Variants in C1orf174 observed in about 807,000 individuals in gnomAD.
C1orf174 encodes chromosome 1 open reading frame 174.
Under a neutral mutation model 18.4 loss-of-function variants are expected in C1orf174, and 13 were observed. The ratio of observed to expected loss-of-function variants is 0.71; its 90% confidence interval spans 0.46 to 1.12. The LOEUF is 1.12. C1orf174 is among the 50% of genes most tolerant of loss of function. C1orf174 has a pLI of 0.00. For missense variants in C1orf174, 309 were observed against 308.0 expected, an observed-to-expected ratio of 1.00 and a Z score of -0.02; for synonymous variants, 100 against 118.3, an observed-to-expected ratio of 0.85 and a Z score of 1.01.
intron 1 of C1orf174, among the ~76,000 whole-genome samples, chr1:3,898,400 T>C (rs1638645323): frequency 6.6e-6 from 1 of 152,070 alleles, no homozygotes; most frequent in Admixed American, 6.6e-5. Flanking sequence ...ATCCCAGCCA[T>C]TCCAGAGGCT....
At chr1:3,893,600 A>T (rs1638552016) in intron 1 of C1orf174, among the ~76,000 whole-genome samples, 1 of 152,240 alleles carries the variant, frequency 6.6e-6, no homozygotes, top group African/African-American at 2.4e-5. Context: ...AAGTTGCAAA[A>T]AATAGTACAA....
chr1:3,892,807 T>C, intron 2 of C1orf174, 76 bp downstream of exon 2: 1 of 1,555,590 alleles, frequency 6.4e-7, no homozygotes, highest in Non-Finnish European at 8.7e-7. Context: ...AAGCAACACA[T>C]CTTGGAGTGG....
chr1:3,892,925 G>A lies in C1orf174; in HGVS notation c.87C>T (p.Ala29=). The change falls in exon 2 of 4, where the codon GCC becomes GCT. Residue 29 remains alanine (A), a synonymous_variant. Coordinates refer to ENST00000361605, the MANE Select transcript of C1orf174 (RefSeq NM_207356.3). ...CAGACGTGGAACCAGCAACTTCCTG[G>A]GCAGAGGCCAACCTGGCTGCCGAAC... ...RSCSAARLAS[A]QEVAGSTSAK... 1 of 1,614,154 alleles carries A rather than the reference G, an allele frequency of 6.2e-7. No homozygotes were observed.
intron 1 of C1orf174, among the ~76,000 whole-genome samples, chr1:3,894,031 T>C (rs1638559801): frequency 3.3e-5 from 5 of 152,246 alleles, no homozygotes. Context: ...CACTAAACTA[T>C]AGATTTTATT....
chr1:3,895,655 T>A (rs1638593335), intron 1 of C1orf174: 2 of 152,232 alleles, frequency 1.3e-5, no homozygotes, highest in Admixed American at 6.5e-5. Flanking sequence ...TTAGCTTCAG[T>A]TTCGTCATGG....
In C1orf174 at chr1:3,900,270, C is replaced by G. The variant is rs1638690255; in HGVS notation, c.-84G>C. 38 of 1,437,914 alleles carry G rather than the reference C, an allele frequency of 2.6e-5. No homozygotes were observed. Among genetic ancestry groups the G allele is most frequent in the Non-Finnish European group, 3.3e-5 (37 of 1,104,916 alleles). 89.1% of individuals were successfully genotyped at this position (1,437,914 alleles called of 1,614,324 possible). A position where few individuals can be genotyped will look rare whatever the true frequency, so the allele number is the denominator to read the frequency against. On this transcript the variant is annotated 5_prime_UTR_variant, in exon 1 of 4. Transcript: ENST00000361605. ...GCGACCCGGAGTCTGCAGAGCGCGC[C>G]GCGGCGGCGTCCGACGTCAGCACAG... is the stretch of plus-strand genomic sequence containing the variant.
chr1:3,896,941 C>G (rs1267249497), intron 1 of C1orf174, among the ~76,000 whole-genome samples: 2 of 152,192 alleles, frequency 1.3e-5, no homozygotes, highest in Admixed American at 6.5e-5. Context: ...TGCCACCCCC[C>G]ACCAGCAACA....
At chr1:3,894,426 T>C (rs958113274) in intron 1 of C1orf174, among the ~76,000 whole-genome samples, 6 of 151,384 alleles carry the variant, frequency 4.0e-5, no homozygotes, top group Admixed American at 3.9e-4. Flanking sequence ...GCTAACACAG[T>C]GAAACCCCGT....
chr1:3,891,875 C>A, intron 2 of C1orf174: 4 of 927,704 alleles, frequency 4.3e-6, no homozygotes, highest in Non-Finnish European at 5.1e-6. Context: ...GGTCTAGACA[C>A]ACACACGGGT....
rs7552675 is a variant in C1orf174 at position 3,896,707 on chromosome 1, A to C, written c.15+3465T>G. Among the ~76,000 whole-genome samples, 1,418 of 152,354 alleles carry C rather than the reference A, an allele frequency of 9.3e-3. 23 individuals carry two copies. Among genetic ancestry groups the C allele is most frequent in the African/African-American group, 0.032 (1,338 of 41,576 alleles). On this transcript the variant is annotated intron_variant, in intron 1 of 3. Transcript: ENST00000361605. ...AGAACCAGAGACTAACACGGCTGGGAGGAGGCCTCTTGGACACAGAACAAA... is the reference window on the plus strand; with the variant it reads ...AGAACCAGAGACTAACACGGCTGGGCGGAGGCCTCTTGGACACAGAACAAA...
At chr1:3,895,323 A>C (rs569970797) in intron 1 of C1orf174, 1 of 152,356 alleles carries the variant, frequency 6.6e-6, no homozygotes, top group East Asian at 1.9e-4. Context: ...CAACTGCCTG[A>C]GGTGGGGATT....
At chr1:3,892,663 C>G (rs113598275) in intron 2 of C1orf174, 24 of 1,378,586 alleles carry the variant, frequency 1.7e-5, no homozygotes, top group Non-Finnish European at 2.2e-5. Flanking sequence ...GACACACACA[C>G]GGGTGGGCGG....
At chr1:3,900,076 C>T in intron 1 of C1orf174, 96 bp downstream of exon 1, 1 of 1,445,592 alleles carries the variant, frequency 6.9e-7, no homozygotes, top group Non-Finnish European at 9.1e-7. Flanking sequence ...TCCTAGGCCA[C>T]AGGCACCCCG....
intron 1 of C1orf174, among the ~76,000 whole-genome samples, chr1:3,893,425 TA>T (rs1638549960): frequency 6.6e-6 from 1 of 152,230 alleles, no homozygotes; most frequent in Non-Finnish European, 1.5e-5. Flanking sequence ...CCTATTCTAT[TA>T]GCTGAATGCA....
At position 3,900,166 on chromosome 1, in the gene C1orf174, C is replaced by A; in HGVS notation, c.15+6G>T. 6.3e-7 allele frequency: 1 copy of A among 1,586,540 alleles called. No homozygotes were observed. Among genetic ancestry groups the A allele is most frequent in the East Asian group, 2.3e-5 (1 of 42,904 alleles). ...GGCGCAGCTGCTGCCGGGACCCAGC[C>A]CTCACCTTCCGGCTCCTCATGAGTG... On this transcript the variant is annotated splice_donor_region_variant and intron_variant, in intron 1 of 3. Transcript: ENST00000361605.
intron 1 of C1orf174, chr1:3,895,875 G>A (rs1418959260): frequency 6.6e-6 from 1 of 152,234 alleles, no homozygotes; most frequent in Non-Finnish European, 1.5e-5. Context: ...AAAAGGGCTG[G>A]CCGAGACTGA....
chr1:3,890,099 C>G (rs762045951), intron 3 of C1orf174, 26 bp from the exon 4 acceptor site: 1 of 1,556,154 alleles, frequency 6.4e-7, no homozygotes, highest in African/African-American at 1.4e-5. Context: ...AACATGACTT[C>G]AGTCATGAGC....
At chr1:3,891,341 T>G (rs986329183) in intron 2 of C1orf174, 1 of 378,172 alleles carries the variant, frequency 2.6e-6, no homozygotes, top group African/African-American at 2.1e-5. Flanking sequence ...TTACAGCTCC[T>G]CAGGTGAATT....
intron 1 of C1orf174, 149 bp from the exon 2 acceptor site, chr1:3,893,145 G>T: frequency 1.2e-6 from 1 of 825,512 alleles, no homozygotes; most frequent in Non-Finnish European, 1.9e-6. Context: ...TGGCCCGAAT[G>T]TGTAAATCCA....
Sources: gnomAD v4.1 joint callset for allele counts (sites outside exome capture counted in the v4.1 genomes callset) on GRCh38, gnomAD v4.1.1 for gene constraint, MANE v1.5 for transcripts, NCBI Gene and HGNC (gene_info 2026-07-23, HGNC 2026-07-21) for gene names.